INTS9: variants seen among roughly 807,000 people sequenced by gnomAD.
INTS9 encodes the protein protein related to CPSF subunits of 74 kDa.
A neutral mutation model predicts 79.7 loss-of-function variants in INTS9; 55 were observed. The observed-to-expected ratio is 0.69, with a 90% CI of 0.56 to 0.86. INTS9 has a LOEUF of 0.86. Ranked by LOEUF, INTS9 falls within the 40% of genes least tolerant of loss-of-function variation. The pLI is 0.00. For synonymous variants in INTS9, 319 were observed against 325.2 expected (o/e 0.98, Z 0.20); for missense variants, 721 against 831.5 (o/e 0.87, Z 1.64).
intron 10 of INTS9, among the ~76,000 whole-genome samples, chr8:28,791,427 A>G (rs955589199): frequency 6.6e-6 from 1 of 151,814 alleles, no homozygotes; most frequent in Non-Finnish European, 1.5e-5. Context: ...CCTCCCATCT[A>G]TGTCTTGGCT....
chr8:28,853,750 T>C (rs925145914), intron 2 of INTS9, among the ~76,000 whole-genome samples: 3 of 152,214 alleles, frequency 2.0e-5, no homozygotes, highest in South Asian at 2.1e-4. Context: ...GAAGAGAAGA[T>C]TGAACATTAT....
intron 10 of INTS9, among the ~76,000 whole-genome samples, chr8:28,793,288 T>C (rs991009822): frequency 6.6e-6 from 1 of 152,224 alleles, no homozygotes; most frequent in African/African-American, 2.4e-5. Flanking sequence ...CATTCAAACA[T>C]GCACCTAAAT....
At chr8:28,877,379 A>G (rs919833427) in intron 1 of INTS9, among the ~76,000 whole-genome samples, 1 of 152,162 alleles carries the variant, frequency 6.6e-6, no homozygotes, top group Non-Finnish European at 1.5e-5. Context: ...TAATGACATA[A>G]TATTTTTTCA....
intron 4 of INTS9, among the ~76,000 whole-genome samples, chr8:28,841,729 CA>C (rs751161419): frequency 6.6e-6 from 1 of 152,112 alleles, no homozygotes; most frequent in Non-Finnish European, 1.5e-5. Context: ...ACATACTTTG[CA>C]TATATACTAT....
At chr8:28,790,547 C>T (rs1455208892) in intron 10 of INTS9, among the ~76,000 whole-genome samples, 3 of 152,144 alleles carry the variant, frequency 2.0e-5, no homozygotes, top group African/African-American at 2.4e-5. Context: ...AGGCTGATCT[C>T]GAACTCCTGG....
intron 6 of INTS9, among the ~76,000 whole-genome samples, chr8:28,818,946 T>G (rs376853522): frequency 8.6e-5 from 13 of 151,534 alleles, no homozygotes; most frequent in South Asian, 4.2e-4. Context: ...GCGTAGAGGT[T>G]TTTGTAGTAT....
chr8:28,870,074 GC>G (rs1358376114), intron 1 of INTS9, among the ~76,000 whole-genome samples: 2 of 152,074 alleles, frequency 1.3e-5, no homozygotes, highest in Non-Finnish European at 2.9e-5. Context: ...AACATGTTTG[GC>G]TATCTGGAAC....
chr8:28,784,713 A>G (rs2130913827), intron 11 of INTS9, among the ~76,000 whole-genome samples: 1 of 152,350 alleles, frequency 6.6e-6, no homozygotes, highest in Non-Finnish European at 1.5e-5. Context: ...GGGGTTATAA[A>G]TATGACAATC....
At chr8:28,813,807 C>G (rs1363434084) in intron 6 of INTS9, 195 bp from the exon 7 acceptor site, 4 of 534,620 alleles carry the variant, frequency 7.5e-6, no homozygotes, top group South Asian at 7.4e-5. Context: ...TGTCACCAGG[C>G]TGGAGTGCTA....
chr8:28,864,858 C>T lies in INTS9; in HGVS notation c.10-5295G>A, dbSNP rs368087100. On this transcript the variant is annotated intron_variant, in intron 1 of 16. Transcript: ENST00000521022. ...GTGATTAGCCCAGCATGGTGGTGCA[C>T]ACCTGTAATCCCAGCTACCCGGGAG... Among the ~76,000 whole-genome samples, 3 of 151,894 alleles carry T rather than the reference C, an allele frequency of 2.0e-5. No homozygotes were observed. In the East Asian group the frequency reaches 5.8e-4, roughly 29 times the overall value.
intron 6 of INTS9, among the ~76,000 whole-genome samples, chr8:28,823,808 A>G: frequency 6.6e-6 from 1 of 152,332 alleles, no homozygotes; most frequent in Non-Finnish European, 1.5e-5. Flanking sequence ...TAATCCTAAT[A>G]ATCTTATATG....
chr8:28,807,813 C>G (rs769479226), intron 8 of INTS9, among the ~76,000 whole-genome samples: 10 of 152,158 alleles, frequency 6.6e-5, no homozygotes, highest in Non-Finnish European at 1.2e-4. Context: ...TTATACAAGA[C>G]AAGGATGTCC....
chr8:28,847,923 TA>T (rs1326905907), intron 3 of INTS9, among the ~76,000 whole-genome samples: 3 of 152,220 alleles, frequency 2.0e-5, no homozygotes, highest in Non-Finnish European at 4.4e-5. Flanking sequence ...CTGAAATGTT[TA>T]TATACCAACT....
Position 28,810,600 on chromosome 8 carries a change from T to TTC in INTS9, c.744+1725_744+1726dup, listed in dbSNP as rs145377206. On this transcript the variant is annotated intron_variant, in intron 8 of 16. Transcript: ENST00000521022. Reference sequence around the variant, plus strand: ...CCAGTCCGGGTGACAGAACAAGACCTTCTCTCTCTCTCTCTCTCTCCGTAA... The same window carrying TTC: ...CCAGTCCGGGTGACAGAACAAGACCTTCTCTCTCTCTCTCTCTCTCTCCGTAA... Among the ~76,000 whole-genome samples, 682 of 150,088 alleles carry TTC rather than the reference T, an allele frequency of 4.5e-3. 7 individuals carry two copies. The highest frequency in any genetic ancestry group is 0.016 in the African/African-American group (643 of 41,054).
In INTS9 at chr8:28,811,775, C is replaced by T. The variant is rs371678457; in HGVS notation, c.744+552G>A. Among the ~76,000 whole-genome samples the T allele has an allele frequency of 3.9e-5, 6 of 152,270 alleles. No individual in the cohort carries two copies. The East Asian group carries it at 9.7e-4, about 25-fold the overall frequency. On this transcript the variant is annotated intron_variant, in intron 8 of 16. Coordinates refer to ENST00000521022, the MANE Select transcript of INTS9 (RefSeq NM_018250.4). ...CAAGTGAGATCTTCCCATTGGCTTT[C>T]CTGGGCACCCAATCTAAACCAATGG... is the stretch of plus-strand genomic sequence containing the variant.
chr8:28,823,069 C>G (rs1805938787), intron 6 of INTS9, among the ~76,000 whole-genome samples: 3 of 152,166 alleles, frequency 2.0e-5, no homozygotes, highest in Admixed American at 1.3e-4. Flanking sequence ...CCCAAGACAG[C>G]TGACATCAGA....
intron 1 of INTS9, among the ~76,000 whole-genome samples, chr8:28,871,473 C>T (rs958350447): frequency 1.6e-4 from 25 of 152,076 alleles, no homozygotes; most frequent in Middle Eastern, 3.4e-3. Context: ...GATATGATTA[C>T]GGCTCACCGC....
intron 14 of INTS9, among the ~76,000 whole-genome samples, chr8:28,774,812 C>A (rs1407538564): frequency 6.6e-6 from 1 of 152,240 alleles, no homozygotes; most frequent in East Asian, 1.9e-4. Flanking sequence ...TAGCCTCCAA[C>A]CATCCTCAAC....
rs1384110929 is a variant in INTS9 at position 28,812,475 on chromosome 8, A to G, written c.610-14T>C. ...ACCAAAAAGCTCCTAAAAGAGAACC[A>G]CAGTAAGAATGTGCAATGAGCTTAC... is the stretch of plus-strand genomic sequence containing the variant. On this transcript the variant is annotated splice_polypyrimidine_tract_variant and intron_variant, in intron 7 of 16. Coordinates refer to ENST00000521022, the MANE Select transcript of INTS9 (RefSeq NM_018250.4). The G allele has an allele frequency of 1.9e-6, 3 of 1,611,288 alleles. No individual in the cohort carries two copies. Among genetic ancestry groups the G allele is most frequent in the Non-Finnish European group, 2.5e-6 (3 of 1,179,058 alleles).
Sources: gnomAD v4.1 joint callset for allele counts (sites outside exome capture counted in the v4.1 genomes callset) on GRCh38, gnomAD v4.1.1 for gene constraint, MANE v1.5 for transcripts, NCBI Gene and HGNC (gene_info 2026-07-23, HGNC 2026-07-21) for gene names.